QTRT2: variants seen among roughly 807,000 people sequenced by gnomAD.
QTRT2 encodes the protein queuine tRNA-ribosyltransferase domain containing 1.
Under a neutral mutation model 44.8 loss-of-function variants are expected in QTRT2, and 32 were observed. The observed-to-expected ratio is 0.71, with a 90% CI of 0.54 to 0.96. The LOEUF (loss-of-function observed/expected upper bound fraction) is 0.96. QTRT2 is among the 40% of genes least tolerant of loss of function. QTRT2 has a pLI of 0.00. For synonymous variants in QTRT2, 182 were observed against 187.4 expected, an observed-to-expected ratio of 0.97 and a Z score of 0.24; for missense variants, 461 against 503.1, an observed-to-expected ratio of 0.92 and a Z score of 0.80.
intron 5 of QTRT2, among the ~76,000 whole-genome samples, chr3:114,069,328 TTATTTCATCACTG>T (rs2107792904): frequency 6.6e-6 from 1 of 152,246 alleles, no homozygotes; most frequent in South Asian, 2.1e-4. Context: ...GTTGTACAGA[TTATTTCATCACTG>T]AGGTATTAAG....
intron 6 of QTRT2, among the ~76,000 whole-genome samples, chr3:114,073,714 C>T (rs2077053368): frequency 6.6e-6 from 1 of 151,854 alleles, no homozygotes; most frequent in East Asian, 1.9e-4. Flanking sequence ...ACGTGTAGTC[C>T]CTCTCCATAC....
In QTRT2 at chr3:114,071,810, G is replaced by A. The variant is rs112009244; in HGVS notation, c.546+972G>A. 7.5e-3 allele frequency among the ~76,000 whole-genome samples: 1,146 copies of A among 152,080 alleles called. 9 individuals are homozygous for A. The highest frequency in any genetic ancestry group is 0.026 in the African/African-American group (1,082 of 41,460). ...TCATTTTTATCCAATCCATCTTTCA[G>A]CCCTGTTATCCAAAAGATCTTTGTA... is the stretch of plus-strand genomic sequence containing the variant. On this transcript the variant is annotated intron_variant, in intron 6 of 9. Transcript: ENST00000281273.
At position 114,085,637 on chromosome 3, in the gene QTRT2, G is replaced by A. The variant is rs180880126; in HGVS notation, c.1017-36G>A. The A allele has an allele frequency of 2.1e-4, 322 of 1,550,088 alleles. No individual in the cohort carries two copies. The African/African-American group carries it at 3.7e-3, about 18-fold the overall frequency. ...TGAGGTTGTGGATTTCTTGTATTCCGTACTTTCTGGAATGTCACTGTGACT... is the reference window on the plus strand; with the variant it reads ...TGAGGTTGTGGATTTCTTGTATTCCATACTTTCTGGAATGTCACTGTGACT... On this transcript the variant is annotated intron_variant, in intron 9 of 9. Coordinates refer to ENST00000281273, the MANE Select transcript of QTRT2 (RefSeq NM_024638.4).
chr3:114,080,108 T>G, intron 8 of QTRT2, 51 bp downstream of exon 8: 2 of 1,496,026 alleles, frequency 1.3e-6, no homozygotes, highest in Non-Finnish European at 1.8e-6. Context: ...CCATTTCCTG[T>G]TAATTTTTGG....
intron 9 of QTRT2, chr3:114,083,013 G>T: frequency 2.0e-6 from 1 of 512,332 alleles, no homozygotes; most frequent in South Asian, 1.8e-5. Flanking sequence ...GGTAATGATT[G>T]CTTTAGAAAA....
At chr3:114,065,519 CA>C in intron 3 of QTRT2, 62 bp downstream of exon 3, 3 of 1,229,638 alleles carry the variant, frequency 2.4e-6, no homozygotes, top group Non-Finnish European at 2.3e-6. Flanking sequence ...ACCTTAGGTG[CA>C]AAAAAGAGAA....
chr3:114,057,117 C>G lies in QTRT2; in HGVS notation c.-22+11C>G, dbSNP rs2076804677. On this transcript the variant is annotated intron_variant, in intron 2 of 9. Transcript: ENST00000281273. ...AGCCTCTGCTGAAAGGTAGAGTTTT[C>G]AGGAAGTTTTTATTCCGAACTGCCC... is the stretch of plus-strand genomic sequence containing the variant. 1 of 1,314,714 alleles carries G rather than the reference C, an allele frequency of 7.6e-7. No homozygotes were observed. The highest frequency in any genetic ancestry group is 3.7e-5 in the Admixed American group (1 of 27,040). 81.4% of individuals were successfully genotyped at this position (1,314,714 alleles called of 1,614,324 possible).
chr3:114,059,750 C>T (rs962791267), intron 2 of QTRT2, among the ~76,000 whole-genome samples: 1 of 152,108 alleles, frequency 6.6e-6, no homozygotes, highest in South Asian at 2.1e-4. Flanking sequence ...TTTTCTTAAA[C>T]CCAGTCATCT....
At chr3:114,069,122 C>T (rs1291184325) in intron 5 of QTRT2, among the ~76,000 whole-genome samples, 3 of 151,978 alleles carry the variant, frequency 2.0e-5, no homozygotes, top group African/African-American at 7.3e-5. Context: ...AATCATTTAA[C>T]CAGTAATTCT....
chr3:114,063,329 G>A (rs1160609339), intron 2 of QTRT2, among the ~76,000 whole-genome samples: 2 of 152,054 alleles, frequency 1.3e-5, no homozygotes, highest in Admixed American at 6.5e-5. Flanking sequence ...TTTATCACTT[G>A]AAATCAGTAT....
At chr3:114,080,128 C>T in intron 8 of QTRT2, 71 bp downstream of exon 8, 3 of 1,296,682 alleles carry the variant, frequency 2.3e-6, no homozygotes, top group Non-Finnish European at 3.2e-6. Context: ...GCTTGAGTCA[C>T]AAGACAGAAA....
At chr3:114,060,202 C>T (rs928616043) in intron 2 of QTRT2, among the ~76,000 whole-genome samples, 2 of 152,144 alleles carry the variant, frequency 1.3e-5, no homozygotes, top group Non-Finnish European at 2.9e-5. Context: ...ACTTGAGACT[C>T]GTTTGTTAAA....
At chr3:114,061,648 G>T (rs1008749301) in intron 2 of QTRT2, among the ~76,000 whole-genome samples, 3 of 152,048 alleles carry the variant, frequency 2.0e-5, no homozygotes, top group Admixed American at 6.6e-5. Flanking sequence ...CGTGATCATG[G>T]CTCACTGCAG....
At chr3:114,081,876 T>C (rs921067970) in intron 8 of QTRT2, among the ~76,000 whole-genome samples, 1 of 152,304 alleles carries the variant, frequency 6.6e-6, no homozygotes, top group African/African-American at 2.4e-5. Flanking sequence ...CACCTGTCTT[T>C]CTCCTGGGAC....
chr3:114,084,172 C>T (rs897517698), intron 9 of QTRT2, among the ~76,000 whole-genome samples: 3 of 151,860 alleles, frequency 2.0e-5, no homozygotes, highest in Non-Finnish European at 4.4e-5. Flanking sequence ...AGGCGATTCT[C>T]CTGCCTCAGC....
chr3:114,084,081 G>A (rs1166137896), intron 9 of QTRT2, among the ~76,000 whole-genome samples: 3 of 149,488 alleles, frequency 2.0e-5, no homozygotes, highest in East Asian at 3.9e-4. Context: ...TTTTTTGTGG[G>A]GGGCAGAGTG....
intron 7 of QTRT2, chr3:114,079,609 A>G (rs555098422): frequency 8.1e-6 from 2 of 248,100 alleles, no homozygotes; most frequent in South Asian, 9.1e-5. Flanking sequence ...GTGGGGGTAT[A>G]TATTATTTGC....
At chr3:114,061,862 G>A (rs2076890612) in intron 2 of QTRT2, among the ~76,000 whole-genome samples, 1 of 152,166 alleles carries the variant, frequency 6.6e-6, no homozygotes, top group South Asian at 2.1e-4. Flanking sequence ...ACAGGCGTGA[G>A]CCAATGTGCC....
chr3:114,083,370 ATACT>A (rs754912054), intron 9 of QTRT2, among the ~76,000 whole-genome samples: 1 of 152,008 alleles, frequency 6.6e-6, no homozygotes, highest in Non-Finnish European at 1.5e-5. Context: ...CATTTGCATT[ATACT>A]TACCTGGCTG....
Sources: gnomAD v4.1 joint callset for allele counts (sites outside exome capture counted in the v4.1 genomes callset) on GRCh38, gnomAD v4.1.1 for gene constraint, MANE v1.5 for transcripts, NCBI Gene and HGNC (gene_info 2026-07-23, HGNC 2026-07-21) for gene names.